Variants in ARID3A observed in about 807,000 individuals in gnomAD.
The protein encoded by ARID3A is AT-rich interactive domain-containing protein 3A.
Under a neutral mutation model 52.7 loss-of-function variants are expected in ARID3A, and 11 were observed. That is an observed-to-expected ratio of 0.21 (90% confidence interval 0.13 to 0.35). The LOEUF (loss-of-function observed/expected upper bound fraction) is 0.35, where lower values mean the gene tolerates loss of function less well. Among genes scored for constraint, ARID3A ranks in the 10% least tolerant of loss-of-function variants. The pLI is 1.00. For synonymous variants in ARID3A, 404 were observed against 359.4 expected (o/e 1.12, Z -1.40); for missense variants, 721 against 838.5 (o/e 0.86, Z 1.73).
Position 973,107 on chromosome 19 carries a change from T to TTTTTTTTTTC in ARID3A, c.*1051_*1052insCTTTTTTTTT. 1 of 113,076 alleles carries TTTTTTTTTTC rather than the reference T, an allele frequency of 8.8e-6. No individual in the cohort carries two copies. The highest frequency in any genetic ancestry group is 1.9e-5 in the Non-Finnish European group (1 of 52,972). 7.0% of individuals were successfully genotyped at this position (113,076 alleles called of 1,614,324 possible). On this transcript the variant is annotated 3_prime_UTR_variant, in exon 9 of 9. Coordinates refer to ENST00000263620, the MANE Select transcript of ARID3A (RefSeq NM_005224.3). ...CTCTCGAGTCAGGGGCCTGGAAATT[T>TTTTTTTTTTC]TTTTTTTTTTTTTTTTTTGAGACGG...
At chr19:927,400 A>G (rs926386337) in intron 1 of ARID3A, among the ~76,000 whole-genome samples, 1 of 151,650 alleles carries the variant, frequency 6.6e-6, no homozygotes, top group Non-Finnish European at 1.5e-5. Context: ...CTAGGGGGGA[A>G]TCTGGGATCC....
At chr19:940,480 C>T (rs1395065285) in intron 3 of ARID3A, among the ~76,000 whole-genome samples, 1 of 151,940 alleles carries the variant, frequency 6.6e-6, no homozygotes, top group Non-Finnish European at 1.5e-5. Context: ...GAGGACCCTT[C>T]TGGAGCCTGT....
At position 932,661 on chromosome 19, in the gene ARID3A, C is replaced by T. The variant is rs1166653130; in HGVS notation, c.612C>T (p.His204=). ...AGCGGCCGGGGCCTGGCCCTGCCCA[C>T]CCCGGAGGGGCCGCCCACGTAGCCC... ...GQERPGPGPA[H]PGGAAHVAPQ... The change falls in exon 3 of 9, where the codon CAC becomes CAT. Residue 204 remains histidine (H), a synonymous_variant. Transcript: ENST00000263620. 1 of 1,545,032 alleles carries T rather than the reference C, an allele frequency of 6.5e-7. No individual in the cohort carries two copies. The highest frequency in any genetic ancestry group is 8.7e-7 in the Non-Finnish European group (1 of 1,145,832).
At chr19:970,498 CTTTTTTTTTTT>C (rs1177419405) in intron 8 of ARID3A, among the ~76,000 whole-genome samples, 1 of 88,346 alleles carries the variant, frequency 1.1e-5, no homozygotes, top group African/African-American at 4.7e-5. Context: ...AATAGTTTTT[CTTTTTTTTTTT>C]TTTTTTTTTT....
chr19:929,292 C>T lies in ARID3A; in HGVS notation c.-237C>T. On this transcript the variant is annotated 5_prime_UTR_variant, in exon 2 of 9. Coordinates refer to ENST00000263620, the MANE Select transcript of ARID3A (RefSeq NM_005224.3). This position sits in a 1 kb window ranked among gnomAD's most constrained non-coding sequence, Gnocchi z 6.2. ...TGCAAATGCGTGAATGAGCCGGATG[C>T]CAGCCTCTGTCCCCTGGAGCCCAGC... The T allele has an allele frequency of 2.6e-6, 1 of 385,800 alleles. No individual in the cohort carries two copies. Among genetic ancestry groups the T allele is most frequent in the East Asian group, 6.2e-5 (1 of 16,048 alleles). 23.9% of individuals were successfully genotyped at this position (385,800 alleles called of 1,614,324 possible). A position where few individuals can be genotyped will look rare whatever the true frequency, so the allele number is the denominator to read the frequency against.
rs183985795 is a variant in ARID3A at position 932,245 on chromosome 19, G to A, written c.369-173G>A. 2.6e-5 allele frequency among the ~76,000 whole-genome samples: 4 copies of A among 152,316 alleles called. No individual in the cohort carries two copies. In the East Asian group the frequency reaches 5.8e-4, roughly 22 times the overall value. On this transcript the variant is annotated intron_variant, in intron 2 of 8. Coordinates refer to ENST00000263620, the MANE Select transcript of ARID3A (RefSeq NM_005224.3). The stretch of plus-strand genomic sequence containing the variant: ...TGGGCTAATTGGAAACAAAGTGGGC[G>A]TCACGGGTGCCCCACGCTGTGCTCA...
chr19:927,427 C>G (rs2037224906), intron 1 of ARID3A, among the ~76,000 whole-genome samples: 1 of 151,680 alleles, frequency 6.6e-6, no homozygotes, highest in Non-Finnish European at 1.5e-5. Context: ...GCCCCCTCCA[C>G]CGGCCCCAAC....
At chr19:945,559 T>C (rs2037660242) in intron 3 of ARID3A, among the ~76,000 whole-genome samples, 1 of 152,210 alleles carries the variant, frequency 6.6e-6, no homozygotes, top group African/African-American at 2.4e-5. Context: ...GGGCAGTTCC[T>C]GTCCTGCCCT....
chr19:953,826 CG>C (rs1444379513), intron 3 of ARID3A, among the ~76,000 whole-genome samples: 3 of 152,148 alleles, frequency 2.0e-5, no homozygotes, highest in Admixed American at 2.0e-4. Context: ...GTAATCCCAG[CG>C]CTGTGGGAGG....
At chr19:963,369 CAATT>C (rs1471796570) in intron 4 of ARID3A, among the ~76,000 whole-genome samples, 2 of 152,204 alleles carry the variant, frequency 1.3e-5, no homozygotes, top group African/African-American at 2.4e-5. Context: ...AGACTGTACA[CAATT>C]GATCTCCTAA....
At chr19:963,627 C>T (rs551552750) in intron 4 of ARID3A, among the ~76,000 whole-genome samples, 2 of 152,290 alleles carry the variant, frequency 1.3e-5, no homozygotes, top group South Asian at 4.1e-4. Context: ...TCTTCCTGGG[C>T]CAGCCCACCT....
rs2037265533 is a variant in ARID3A at position 929,286 on chromosome 19, CG to C, written c.-241del. ...GGTTTCTGCAAATGCGTGAATGAGC[CG>C]GATGCCAGCCTCTGTCCCCTGGAGC... On this transcript the variant is annotated 5_prime_UTR_variant, in exon 2 of 9. The change abolishes the stop of an existing upstream ORF in the 5' untranslated region. Coordinates refer to ENST00000263620, the MANE Select transcript of ARID3A (RefSeq NM_005224.3). The surrounding 1 kb of genome is among the most constrained non-coding windows in gnomAD (Gnocchi z 6.2). 2.8e-6 allele frequency: 1 copy of C among 352,626 alleles called. No individual in the cohort carries two copies. The highest frequency in any genetic ancestry group is 4.4e-6 in the Non-Finnish European group (1 of 225,110). The allele number at this position is 352,626 out of a possible 1,614,324, so 21.8% of individuals were successfully genotyped here. A position where few individuals can be genotyped will look rare whatever the true frequency, so the allele number is the denominator to read the frequency against.
chr19:971,830 G>A (rs201461759), intron 8 of ARID3A, 48 bp from the exon 9 acceptor site: 108 of 1,546,136 alleles, frequency 7.0e-5, no homozygotes, highest in African/African-American at 2.7e-4. Context: ...GGCCCGCCTC[G>A]CATCTTCTTA....
rs1319113851 is a variant in ARID3A at position 968,495 on chromosome 19, T to C, written c.1586T>C (p.Met529Thr). The C allele has an allele frequency of 6.2e-7, 1 of 1,613,712 alleles. No homozygotes were observed. The highest frequency in any genetic ancestry group is 8.5e-7 in the Non-Finnish European group (1 of 1,179,920). ...ATGTCGGTGGAGATCAACGGCATCA[T>C]GTACACAGGTAGGACCCCTGAGGCC... ...ISMSVEINGIMYTGVLFAQPP... is the reference protein window; with the variant it reads ...ISMSVEINGITYTGVLFAQPP... Residue 529 changes from methionine to threonine, a missense_variant, in exon 8 of 9, where the codon ATG becomes ACG. Physicochemically the swap from Met to Thr is moderately conservative, Grantham distance 81 (BLOSUM62 -1). Transcript: ENST00000263620.
intron 7 of ARID3A, among the ~76,000 whole-genome samples, chr19:967,482 C>T (rs1281161693): frequency 3.9e-5 from 6 of 152,124 alleles, no homozygotes; most frequent in Non-Finnish European, 8.8e-5. Flanking sequence ...TCACTTGAGC[C>T]CAGGAAGTCG....
In ARID3A at chr19:944,244, G is replaced by C. The variant is rs1228815926; in HGVS notation, c.693+11502G>C. 6.6e-6 allele frequency among the ~76,000 whole-genome samples: 1 copy of C among 151,974 alleles called. No homozygotes were observed. The highest frequency in any genetic ancestry group is 1.5e-5 in the Non-Finnish European group (1 of 68,040). On this transcript the variant is annotated intron_variant, in intron 3 of 8. Coordinates refer to ENST00000263620, the MANE Select transcript of ARID3A (RefSeq NM_005224.3). This position sits in a 1 kb window ranked among gnomAD's most constrained non-coding sequence, Gnocchi z 5.9. ...ACTGGAGTCCTGACGTCGGCAGCGC[G>C]GTGGAGGGCGGGCCTGTCTCGCCGT...
chr19:967,772 C>T (rs1055711282), intron 7 of ARID3A, among the ~76,000 whole-genome samples: 9 of 152,094 alleles, frequency 5.9e-5, no homozygotes, highest in Admixed American at 1.3e-4. Flanking sequence ...TGGTCGGGCG[C>T]GGTGGCCCAC....
rs6510986 is a variant in ARID3A, at chr19:966,693, C to T, written c.1320C>T (p.Ala440=). ...CAGCAGCCGCCCAAGCAGCTGTGGCCGCACAGGCAGCTGCCCTGGAACAGC... is the reference window on the plus strand; with the variant it reads ...CAGCAGCCGCCCAAGCAGCTGTGGCTGCACAGGCAGCTGCCCTGGAACAGC... The part of the protein sequence containing the change: ...VQAAAAQAAV[A]AQAAALEQLR... Residue 440 remains alanine (A), a synonymous_variant, in exon 7 of 9, where the codon GCC becomes GCT. Coordinates refer to ENST00000263620, the MANE Select transcript of ARID3A (RefSeq NM_005224.3). The T allele has an allele frequency of 0.84, 1,352,480 of 1,610,972 alleles. 572,690 individuals carry two copies. The highest frequency in any genetic ancestry group is 0.89 in the Middle Eastern group (5,373 of 6,052).
At chr19:935,483 T>G (rs1226182878) in intron 3 of ARID3A, among the ~76,000 whole-genome samples, 9 of 152,136 alleles carry the variant, frequency 5.9e-5, no homozygotes, top group Non-Finnish European at 2.9e-5. Context: ...TTTATTGGAT[T>G]ATTATTATTT....
Sources: gnomAD v4.1 joint callset for allele counts (sites outside exome capture counted in the v4.1 genomes callset) on GRCh38, gnomAD v4.1.1 for gene constraint, Gnocchi (gnomAD v3.1) non-coding constraint, MANE v1.5 for transcripts, NCBI Gene and HGNC (gene_info 2026-07-23, HGNC 2026-07-21) for gene names.